Variants in SOX6 observed in about 807,000 individuals in gnomAD.
SOX6 encodes SRY-box transcription factor 6, also known as transcription factor SOX-6.
Under a neutral mutation model 97.8 loss-of-function variants are expected in SOX6, and 11 were observed. That is an observed-to-expected ratio of 0.11 (90% CI 0.07 to 0.19). The LOEUF (loss-of-function observed/expected upper bound fraction) is 0.19, where lower values mean the gene tolerates loss of function less well. Ranked by LOEUF, SOX6 falls within the 10% of genes least tolerant of loss-of-function variation. The pLI, the probability that SOX6 is intolerant of heterozygous loss-of-function variation, is 1.00. For missense variants in SOX6, 810 were observed against 1,039.5 expected (o/e 0.78, Z 3.04); for synonymous variants, 360 against 371.4 (o/e 0.97, Z 0.35).
intron 9 of SOX6, among the ~76,000 whole-genome samples, chr11:16,076,102 A>AAATG (rs1564940721): frequency 6.6e-6 from 1 of 152,152 alleles, no homozygotes; most frequent in Non-Finnish European, 1.5e-5. Flanking sequence ...CCATATACTA[A>AAATG]AATCAATTCA....
At chr11:16,543,633 G>T (rs771390723) in intron 4 of SOX6, among the ~76,000 whole-genome samples, 1 of 151,040 alleles carries the variant, frequency 6.6e-6, no homozygotes, top group Non-Finnish European at 1.5e-5. Context: ...TGAGCAAAAG[G>T]CTGAACTAGT....
intron 4 of SOX6, among the ~76,000 whole-genome samples, chr11:16,230,056 G>A (rs1041091395): frequency 6.6e-6 from 1 of 151,336 alleles, no homozygotes; most frequent in African/African-American, 2.4e-5. Context: ...GACTAATCAG[G>A]GTTTATTTCA....
intron 4 of SOX6, among the ~76,000 whole-genome samples, chr11:16,553,354 T>C (rs1847711150): frequency 6.6e-6 from 1 of 152,150 alleles, no homozygotes; most frequent in Non-Finnish European, 1.5e-5. Context: ...CTTTCAATTA[T>C]ATGCAAATTA....
At chr11:16,332,875 TCTC>T (rs2134326695) in intron 2 of SOX6, among the ~76,000 whole-genome samples, 1 of 152,310 alleles carries the variant, frequency 6.6e-6, no homozygotes, top group Admixed American at 6.5e-5. Flanking sequence ...AGGTTATGCT[TCTC>T]CTGGAAAGCA....
chr11:16,126,331 CTTTGA>C (rs1849612802), intron 6 of SOX6, among the ~76,000 whole-genome samples: 1 of 152,156 alleles, frequency 6.6e-6, no homozygotes, highest in African/African-American at 2.4e-5. Context: ...TTTTGATTCT[CTTTGA>C]TTTAACATTT....
intron 6 of SOX6, among the ~76,000 whole-genome samples, chr11:16,167,076 A>T (rs983951402): frequency 6.6e-6 from 1 of 152,260 alleles, no homozygotes; most frequent in Non-Finnish European, 1.5e-5. Context: ...TGCTTACTCA[A>T]TATCTCCAAA....
intron 6 of SOX6, among the ~76,000 whole-genome samples, chr11:16,153,695 G>A (rs1203249589): frequency 1.3e-5 from 2 of 152,030 alleles, no homozygotes; most frequent in African/African-American, 4.8e-5. Flanking sequence ...CCAAAACCAT[G>A]CTTACAACTT....
chr11:16,031,748 G>T (rs531083138), intron 12 of SOX6, among the ~76,000 whole-genome samples: 2 of 152,096 alleles, frequency 1.3e-5, no homozygotes, highest in East Asian at 3.9e-4. Flanking sequence ...AGGAACAAGG[G>T]GAACAGGAAA....
intron 15 of SOX6, among the ~76,000 whole-genome samples, chr11:15,982,831 AC>A (rs1853707087): frequency 6.6e-6 from 1 of 152,022 alleles, no homozygotes; most frequent in African/African-American, 2.4e-5. Context: ...GGCTGAATGT[AC>A]CTGCATAATT....
intron 3 of SOX6, among the ~76,000 whole-genome samples, chr11:16,302,260 C>T (rs944817200): frequency 6.6e-6 from 1 of 152,184 alleles, no homozygotes; most frequent in African/African-American, 2.4e-5. Context: ...TAAAAGTTCT[C>T]AACTGCTCCC....
Position 16,702,741 on chromosome 11 carries a change from G to C in SOX6, n.429+12089C>G, listed in dbSNP as rs1297946835. The stretch of plus-strand genomic sequence containing the variant: ...CCACTGGCCACCCTTCTTTTCCTGA[G>C]TCCCAAATCTTCTGAAGGTGTTTGA... On this transcript the variant is annotated intron_variant and non_coding_transcript_variant, in intron 3 of 5. Coordinates refer to the SOX6 transcript ENST00000524520. 3.3e-5 allele frequency among the ~76,000 whole-genome samples: 5 copies of C among 151,922 alleles called. No homozygotes were observed. The East Asian group carries it at 9.6e-4, about 29-fold the overall frequency.
At chr11:16,396,790 A>G (rs1374215298) in intron 1 of SOX6, among the ~76,000 whole-genome samples, 1 of 151,572 alleles carries the variant, frequency 6.6e-6, no homozygotes, top group African/African-American at 2.4e-5. Flanking sequence ...TTTCTTCTAT[A>G]ACAGGAGGAG....
intron 1 of SOX6, among the ~76,000 whole-genome samples, chr11:16,458,386 T>C (rs1014553401): frequency 6.9e-6 from 1 of 145,818 alleles, no homozygotes; most frequent in Non-Finnish European, 1.5e-5. Flanking sequence ...CCATAGTATA[T>C]TCACCTACTT....
chr11:16,211,071 T>A (rs1000671003), intron 4 of SOX6, among the ~76,000 whole-genome samples: 1 of 152,060 alleles, frequency 6.6e-6, no homozygotes, highest in African/African-American at 2.4e-5. Context: ...GTGGTGCCTC[T>A]TTGGGAAGAA....
In SOX6 at chr11:16,282,328, G is replaced by C. The variant is rs913275956; in HGVS notation, c.445+36118C>G. On this transcript the variant is annotated intron_variant, in intron 3 of 15. Transcript: ENST00000683767. ...AAACCATGCCTGCCAGTCTTTATTG[G>C]AAAGAAATACAGATATTCATTTATT... Among the ~76,000 whole-genome samples, 8 of 151,304 alleles carry C rather than the reference G, an allele frequency of 5.3e-5. 1 individual carries two copies. The South Asian group carries it at 1.7e-3, about 31-fold the overall frequency.
intron 13 of SOX6, among the ~76,000 whole-genome samples, chr11:15,997,793 A>G (rs995411185): frequency 1.3e-5 from 2 of 152,200 alleles, no homozygotes; most frequent in Admixed American, 6.5e-5. Context: ...CACTCTCACC[A>G]TTGTTAATCA....
At position 16,318,491 on chromosome 11, in the gene SOX6, G is replaced by T; in HGVS notation, c.400C>A (p.Leu134Met). The change falls in exon 3 of 16, where the codon CTG (leucine) becomes ATG (methionine). Residue 134 changes from leucine (L) to methionine (M), a missense_variant. Leu to Met is a conservative substitution (Grantham distance 15, BLOSUM62 2). This residue lies in a region of SOX6 where 46 missense variants were observed against 84.1 expected (regional missense o/e 0.55). Coordinates refer to ENST00000683767, the MANE Select transcript of SOX6 (RefSeq NM_001367873.1). ...KGSLADVVDT[L>M]KQKKLEEMTR... Reference sequence around the variant, plus strand: ...ATTTCCTCAAGCTTCTTCTGTTTCAGTGTGTCCACCACATCGGCAAGACTC... The same window carrying T: ...ATTTCCTCAAGCTTCTTCTGTTTCATTGTGTCCACCACATCGGCAAGACTC... 6.2e-7 allele frequency: 1 copy of T among 1,613,252 alleles called. No individual in the cohort carries two copies. The highest frequency in any genetic ancestry group is 8.5e-7 in the Non-Finnish European group (1 of 1,179,730).
chr11:16,631,594 C>A (rs1848708635), intron 3 of SOX6, among the ~76,000 whole-genome samples: 1 of 152,106 alleles, frequency 6.6e-6, no homozygotes, highest in African/African-American at 2.4e-5. Flanking sequence ...GGCAGGTGTT[C>A]TCTGGATTTC....
intron 3 of SOX6, among the ~76,000 whole-genome samples, chr11:16,277,182 T>C (rs1854427963): frequency 1.3e-5 from 2 of 152,112 alleles, no homozygotes; most frequent in South Asian, 4.1e-4. Context: ...ACCCTCTAAG[T>C]GATGGTATCT....
Sources: allele counts gnomAD v4.1 joint callset (sites outside exome capture counted in the v4.1 genomes callset), GRCh38; gene constraint gnomAD v4.1.1; regional missense constraint gnomAD v4.1.1; transcripts MANE v1.5; gene names NCBI Gene and HGNC (gene_info 2026-07-23, HGNC 2026-07-21).